The following LMOD3 variants were observed in gnomAD, a reference collection of about 807,000 sequenced individuals.
LMOD3 encodes leiomodin-3.
A neutral mutation model predicts 41.8 loss-of-function variants in LMOD3; 31 were observed. That is an observed-to-expected ratio of 0.74 (90% CI 0.56 to 1.00). LMOD3 has a LOEUF of 1.00. Ranked by LOEUF, LMOD3 falls within the 50% of genes least tolerant of loss-of-function variation. The pLI is 0.00. For missense variants in LMOD3, 755 were observed against 679.5 expected (o/e 1.11, Z -1.23); for synonymous variants, 292 against 241.9 (o/e 1.21, Z -1.92).
intron 2 of LMOD3, among the ~76,000 whole-genome samples, chr3:69,111,661 G>A (rs1183587069): frequency 6.6e-6 from 1 of 152,178 alleles, no homozygotes; most frequent in Non-Finnish European, 1.5e-5. Flanking sequence ...AAGCAGCCAG[G>A]CCCTCCTGGA....
rs2107526606 is a variant in LMOD3, at chr3:69,119,670, T to C, written c.685A>G (p.Lys229Glu). 5.0e-6 allele frequency: 8 copies of C among 1,613,950 alleles called. No homozygotes were observed. The highest frequency in any genetic ancestry group is 5.9e-6 in the Non-Finnish European group (7 of 1,179,894). The stretch of plus-strand genomic sequence containing the variant: ...TTTCCTGAAGGCCTTGTACTTACCT[T>C]CAAAAAGCTGGTGTCTAGAGCTAAC... ...KKLALDTSFLKVSTRPSGNQT... is the reference protein window; with the variant it reads ...KKLALDTSFLEVSTRPSGNQT... Residue 229 changes from lysine to glutamate, a missense_variant, in exon 2 of 3, where the codon AAG (lysine) becomes GAG (glutamate). By Grantham distance (56) the Lys-to-Glu change is moderately conservative (BLOSUM62 1). Coordinates refer to ENST00000420581, the MANE Select transcript of LMOD3 (RefSeq NM_198271.5).
At position 69,108,828 on chromosome 3, in the gene LMOD3, T is replaced by C. The variant is rs567970228; in HGVS notation, c.*267A>G. 1.7e-5 allele frequency: 6 copies of C among 357,366 alleles called. No homozygotes were observed. The highest frequency in any genetic ancestry group is 1.0e-4 in the African/African-American group (5 of 47,682). 22.1% of individuals were successfully genotyped at this position (357,366 alleles called of 1,614,324 possible). ...ACTTCTGCTTCGGGAAATATGACTC[T>C]AAATTTCACCTGAGTCACTCAAATT... On this transcript the variant is annotated 3_prime_UTR_variant, in exon 3 of 3. Transcript: ENST00000420581.
chr3:69,119,518 C>T lies in LMOD3; in HGVS notation c.837G>A (p.Lys279=), dbSNP rs185967498. 385 of 1,613,922 alleles carry T rather than the reference C, an allele frequency of 2.4e-4. No individual in the cohort carries two copies. In the African/African-American group the frequency reaches 4.6e-3, roughly 19 times the overall value. The change falls in exon 2 of 3, where the codon AAG becomes AAA. Residue 279 remains lysine, a synonymous_variant. Transcript: ENST00000420581. ...EMLLDFVNAM[K]KNKHIKTFSL... The stretch of plus-strand genomic sequence containing the variant: ...TGAATGTTTTGATGTGCTTGTTTTT[C>T]TTCATTGCATTGACAAAGTCCAGTA...
chr3:69,119,463 C>T lies in LMOD3; in HGVS notation c.892G>A (p.Val298Ile). 6.2e-7 allele frequency: 1 copy of T among 1,614,000 alleles called. No individual in the cohort carries two copies. The highest frequency in any genetic ancestry group is 8.5e-7 in the Non-Finnish European group (1 of 1,179,892). ...SLANVGADENVAFALANMLRE... is the reference protein window; with the variant it reads ...SLANVGADENIAFALANMLRE... Reference sequence around the variant, plus strand: ...AACATGTTAGCCAAGGCAAATGCTACATTCTCATCTGCACCCACATTGGCT... The same window carrying T: ...AACATGTTAGCCAAGGCAAATGCTATATTCTCATCTGCACCCACATTGGCT... Residue 298 changes from valine (V) to isoleucine (I), a missense_variant, in exon 2 of 3, where the codon GTA (valine) becomes ATA (isoleucine). By Grantham distance (29) the Val-to-Ile change is conservative. Transcript: ENST00000420581.
In LMOD3 at chr3:69,118,822, G is replaced by A. The variant is rs999543342; in HGVS notation, c.1533C>T (p.Leu511=). Residue 511 remains leucine, a synonymous_variant, in exon 2 of 3, where the codon CTC becomes CTT. Transcript: ENST00000420581. ...GCTTGAGCGTTTTGATGACATCTTT[G>A]AGGTTGGTTTTCTCGGGTGGTTCTC... ...EAREPPEKTN[L]KDVIKTLKPV... is the part of the protein sequence containing the mutation. 2.5e-6 allele frequency: 4 copies of A among 1,610,930 alleles called. No individual in the cohort carries two copies. The African/African-American group carries it at 5.4e-5, about 22-fold the overall frequency.
At position 69,107,471 on chromosome 3, in the gene LMOD3, T is replaced by TTTTTTTTTTG. The variant is rs2092328301; in HGVS notation, c.*1623_*1624insCAAAAAAAAA. 1 of 103,604 alleles carries TTTTTTTTTTG rather than the reference T, an allele frequency of 9.7e-6. No individual in the cohort carries two copies. The highest frequency in any genetic ancestry group is 4.5e-5 in the African/African-American group (1 of 22,270). The allele number at this position is 103,604 out of a possible 1,614,324, so 6.4% of individuals were successfully genotyped here. A position where few individuals can be genotyped will look rare whatever the true frequency, so the allele number is the denominator to read the frequency against. ...ACCAAAGGTTTTTTTTTTTTTTTTT[T>TTTTTTTTTTG]TTTTTTTTTTTTTTTTTTTTTTTGA... On this transcript the variant is annotated 3_prime_UTR_variant, in exon 3 of 3. Transcript: ENST00000420581.
intron 1 of LMOD3, among the ~76,000 whole-genome samples, chr3:69,120,745 T>C (rs1267166052): frequency 1.3e-5 from 2 of 152,106 alleles, no homozygotes; most frequent in East Asian, 3.8e-4. Context: ...CTATCCCAGT[T>C]TCTTGTGAAA....
In LMOD3 at chr3:69,106,149, C is replaced by T. The variant is rs945498053; in HGVS notation, c.*2946G>A. On this transcript the variant is annotated 3_prime_UTR_variant, in exon 3 of 3. Transcript: ENST00000420581. The stretch of plus-strand genomic sequence containing the variant: ...ACGACCCTATAAACAGTGAAGCAAA[C>T]ACTTCAGCTGTTTCAAATACTGTTT... 6.6e-6 allele frequency: 1 copy of T among 152,158 alleles called. No individual in the cohort carries two copies. The highest frequency in any genetic ancestry group is 2.4e-5 in the African/African-American group (1 of 41,438). The allele number at this position is 152,158 out of a possible 1,614,324, so 9.4% of individuals were successfully genotyped here. A position where few individuals can be genotyped will look rare whatever the true frequency, so the allele number is the denominator to read the frequency against.
Position 69,119,977 on chromosome 3 carries a change from T to A in LMOD3, c.378A>T (p.Glu126Asp), listed in dbSNP as rs1379177806. Reference protein sequence around the residue: ...AQYLKEKLNNEIVANKRESKG... With the variant: ...AQYLKEKLNNDIVANKRESKG... ...TTGATTCTCTTTTATTTGCAACTAT[T>A]TCATTATTGAGCTTTTCTTTTAAAT... The change falls in exon 2 of 3, where the codon GAA (glutamate) becomes GAT (aspartate). Residue 126 changes from glutamate (E) to aspartate (D), a missense_variant. Coordinates refer to ENST00000420581, the MANE Select transcript of LMOD3 (RefSeq NM_198271.5). The A allele has an allele frequency of 6.3e-7, 1 of 1,598,406 alleles. No individual in the cohort carries two copies.
At chr3:69,117,234 T>C (rs541753271) in intron 2 of LMOD3, among the ~76,000 whole-genome samples, 1 of 152,298 alleles carries the variant, frequency 6.6e-6, no homozygotes, top group Middle Eastern at 3.4e-3. Flanking sequence ...AAATCATAGA[T>C]GAAAGTCAGC....
In LMOD3 at chr3:69,109,520, CTTT is replaced by C. The variant is rs923225067; in HGVS notation, c.1657-402_1657-400del. Among the ~76,000 whole-genome samples the C allele has an allele frequency of 3.5e-4, 35 of 98,734 alleles. No homozygotes were observed. The East Asian group carries it at 0.011, about 32-fold the overall frequency. The allele number at this position is 98,734 out of a possible 152,430, so 64.8% of individuals were successfully genotyped here. A position where few individuals can be genotyped will look rare whatever the true frequency, so the allele number is the denominator to read the frequency against. ...TACAAGTGAGTAATCCATGTTAACA[CTTT>C]TTTTTTTTTTTTTTTTTTTTTTGAG... On this transcript the variant is annotated intron_variant, in intron 2 of 2. Transcript: ENST00000420581.
chr3:69,115,150 G>A (rs568831579), intron 2 of LMOD3, among the ~76,000 whole-genome samples: 1 of 152,108 alleles, frequency 6.6e-6, no homozygotes, highest in Non-Finnish European at 1.5e-5. Context: ...TGAGATTACA[G>A]GTATGAACCA....
chr3:69,118,841 G>A lies in LMOD3; in HGVS notation c.1514C>T (p.Pro505Leu), dbSNP rs1412053728. Reference protein sequence around the residue: ...RKSRMPEAREPPEKTNLKDVI... With the variant: ...RKSRMPEARELPEKTNLKDVI... ...ATCTTTGAGGTTGGTTTTCTCGGGTGGTTCTCTGGCTTCCGGCATCCGAGA... is the reference window on the plus strand; with the variant it reads ...ATCTTTGAGGTTGGTTTTCTCGGGTAGTTCTCTGGCTTCCGGCATCCGAGA... Residue 505 changes from proline (P) to leucine (L), a missense_variant, in exon 2 of 3, where the codon CCA (proline) becomes CTA (leucine). By Grantham distance (98) the Pro-to-Leu change is moderately conservative. Coordinates refer to ENST00000420581, the MANE Select transcript of LMOD3 (RefSeq NM_198271.5). 2.5e-6 allele frequency: 4 copies of A among 1,605,184 alleles called. No individual in the cohort carries two copies. The African/African-American group carries it at 4.2e-5, about 17-fold the overall frequency.
intron 2 of LMOD3, among the ~76,000 whole-genome samples, 171 bp downstream of exon 2, chr3:69,118,528 G>C (rs1034047639): frequency 2.0e-5 from 3 of 152,132 alleles, no homozygotes; most frequent in African/African-American, 7.2e-5. Context: ...TGCTACAGGT[G>C]TACATCCTTA....
rs1275378070 is a variant in LMOD3, at chr3:69,108,880, A to G, written c.*215T>C. 7 of 412,816 alleles carry G rather than the reference A, an allele frequency of 1.7e-5. No individual in the cohort carries two copies. Among genetic ancestry groups the G allele is most frequent in the Non-Finnish European group, 8.6e-6 (2 of 233,428 alleles). 25.6% of individuals were successfully genotyped at this position (412,816 alleles called of 1,614,324 possible). ...ATTGCAAGTAGAAAATATTGCCTCT[A>G]AATATTATATTTTATCTCCTTCCAC... On this transcript the variant is annotated 3_prime_UTR_variant, in exon 3 of 3. Transcript: ENST00000420581.
rs924046273 is a variant in LMOD3 at position 69,107,651 on chromosome 3, A to G, written c.*1444T>C. The G allele has an allele frequency of 1.3e-5, 2 of 150,510 alleles. No individual in the cohort carries two copies. Among genetic ancestry groups the G allele is most frequent in the Non-Finnish European group, 3.0e-5 (2 of 67,688 alleles). 9.3% of individuals were successfully genotyped at this position (150,510 alleles called of 1,614,324 possible). ...GCCATCATGCCCAGCTAATTTTTGT[A>G]TTTTTAATAGAGACGGGGTTTCACC... On this transcript the variant is annotated 3_prime_UTR_variant, in exon 3 of 3. Transcript: ENST00000420581.
At chr3:69,121,744 G>C (rs901212803) in intron 1 of LMOD3, among the ~76,000 whole-genome samples, 1 of 152,132 alleles carries the variant, frequency 6.6e-6, no homozygotes, top group African/African-American at 2.4e-5. Context: ...TTTCTCAAAG[G>C]GGCCTGCAAT....
chr3:69,114,538 C>T (rs1382876447), intron 2 of LMOD3, among the ~76,000 whole-genome samples: 1 of 152,188 alleles, frequency 6.6e-6, no homozygotes, highest in African/African-American at 2.4e-5. Flanking sequence ...GACAGAATCT[C>T]GCTCTGTCGC....
At chr3:69,112,454 C>T (rs1020345290) in intron 2 of LMOD3, among the ~76,000 whole-genome samples, 3 of 152,138 alleles carry the variant, frequency 2.0e-5, no homozygotes, top group African/African-American at 7.2e-5. Context: ...GGGCTGTCAA[C>T]CTGAAGCAGA....
Sources: allele counts gnomAD v4.1 joint callset (sites outside exome capture counted in the v4.1 genomes callset), GRCh38; gene constraint gnomAD v4.1.1; transcripts MANE v1.5; gene names NCBI Gene and HGNC (gene_info 2026-07-23, HGNC 2026-07-21).